UBE2E2: variants seen among roughly 807,000 people sequenced by gnomAD.
The protein encoded by UBE2E2 is ubiquitin-conjugating enzyme E2 E2.
In UBE2E2, 6 loss-of-function variants were observed where a neutral mutation model predicts 24.7. The ratio of observed to expected loss-of-function variants is 0.24; its 90% confidence interval spans 0.13 to 0.48. The LOEUF (loss-of-function observed/expected upper bound fraction) is 0.48. Among genes scored for constraint, UBE2E2 ranks in the 20% least tolerant of loss-of-function variants. UBE2E2 has a pLI of 0.99. For synonymous variants in UBE2E2, 104 were observed against 83.6 expected (o/e 1.24, Z -1.33); for missense variants, 169 against 245.0 (o/e 0.69, Z 2.07).
intron 3 of UBE2E2, among the ~76,000 whole-genome samples, chr3:23,258,825 G>A (rs942311104): frequency 6.0e-5 from 9 of 149,814 alleles, no homozygotes; most frequent in Admixed American, 1.3e-4. Flanking sequence ...CCCGGGAGGC[G>A]GAGCTTGCAT....
chr3:23,393,564 C>G (rs996637902), intron 3 of UBE2E2, among the ~76,000 whole-genome samples: 1 of 152,114 alleles, frequency 6.6e-6, no homozygotes, highest in Non-Finnish European at 1.5e-5. Flanking sequence ...TTTGAATGCA[C>G]AGTAAAGTTT....
intron 3 of UBE2E2, among the ~76,000 whole-genome samples, chr3:23,427,876 C>T (rs534451359): frequency 3.3e-5 from 5 of 152,254 alleles, no homozygotes; most frequent in African/African-American, 9.6e-5. Context: ...CGTAGCAATC[C>T]TTAATGTGTA....
chr3:23,460,178 C>G (rs1698777286), intron 3 of UBE2E2, among the ~76,000 whole-genome samples: 2 of 152,134 alleles, frequency 1.3e-5, no homozygotes, highest in South Asian at 2.1e-4. Context: ...AGCTGCCCTC[C>G]CAGAGGTCCT....
intron 3 of UBE2E2, among the ~76,000 whole-genome samples, chr3:23,323,822 G>A (rs1033690892): frequency 6.6e-6 from 1 of 151,984 alleles, no homozygotes; most frequent in Non-Finnish European, 1.5e-5. Context: ...TTATTCCCCT[G>A]TGCTTTCTCA....
intron 4 of UBE2E2, among the ~76,000 whole-genome samples, chr3:23,526,412 CAAT>C (rs1695000146): frequency 6.6e-6 from 1 of 152,094 alleles, no homozygotes; most frequent in African/African-American, 2.4e-5. Context: ...ACCTAAAAAA[CAAT>C]AAGAGGTTAT....
At chr3:23,374,657 T>A (rs1696476894) in intron 3 of UBE2E2, among the ~76,000 whole-genome samples, 1 of 152,168 alleles carries the variant, frequency 6.6e-6, no homozygotes, top group Non-Finnish European at 1.5e-5. Flanking sequence ...TTAAAAATCA[T>A]TATCTTCCTA....
intron 3 of UBE2E2, among the ~76,000 whole-genome samples, chr3:23,279,071 G>A (rs947699401): frequency 6.6e-6 from 1 of 151,900 alleles, no homozygotes; most frequent in African/African-American, 2.4e-5. Context: ...TAAAAAGTTG[G>A]GTAGAATAAT....
chr3:23,382,392 G>A (rs1038867615), intron 3 of UBE2E2, among the ~76,000 whole-genome samples: 1 of 151,902 alleles, frequency 6.6e-6, no homozygotes. Flanking sequence ...ATGTTGGCCA[G>A]GCTGGTCTTG....
intron 3 of UBE2E2, among the ~76,000 whole-genome samples, chr3:23,353,804 A>C (rs554923260): frequency 1.4e-5 from 2 of 142,972 alleles, no homozygotes; most frequent in Non-Finnish European, 3.1e-5. Context: ...GAAAATGGCC[A>C]TACTGTCCAA....
chr3:23,395,318 A>G (rs920200279), intron 3 of UBE2E2, among the ~76,000 whole-genome samples: 1 of 152,212 alleles, frequency 6.6e-6, no homozygotes, highest in Non-Finnish European at 1.5e-5. Context: ...TCAGCACCTA[A>G]AAATCCCCTG....
chr3:23,429,038 T>C (rs1220627458), intron 3 of UBE2E2, among the ~76,000 whole-genome samples: 1 of 151,320 alleles, frequency 6.6e-6, no homozygotes, highest in African/African-American at 2.4e-5. Flanking sequence ...ATGTCCTAGA[T>C]GAAATGAACC....
chr3:23,403,220 A>G (rs184229932), intron 3 of UBE2E2, among the ~76,000 whole-genome samples: 57 of 152,362 alleles, frequency 3.7e-4, no homozygotes, highest in Non-Finnish European at 7.1e-4. Flanking sequence ...TAAGCATTCA[A>G]ACACCACCCC....
intron 3 of UBE2E2, among the ~76,000 whole-genome samples, chr3:23,429,560 C>G (rs1698006017): frequency 6.6e-6 from 1 of 152,114 alleles, no homozygotes; most frequent in African/African-American, 2.4e-5. Context: ...AGAAAGGGCA[C>G]TTGACAAAAT....
intron 3 of UBE2E2, among the ~76,000 whole-genome samples, chr3:23,298,404 G>A (rs1307985576): frequency 6.6e-6 from 1 of 152,136 alleles, no homozygotes; most frequent in African/African-American, 2.4e-5. Flanking sequence ...TGCCCATTCA[G>A]TATGATATTG....
At chr3:23,445,511 G>C (rs1051730180) in intron 3 of UBE2E2, among the ~76,000 whole-genome samples, 3 of 152,118 alleles carry the variant, frequency 2.0e-5, no homozygotes, top group Non-Finnish European at 2.9e-5. Flanking sequence ...ATACTGCTCC[G>C]GTTGTTCTCA....
intron 3 of UBE2E2, among the ~76,000 whole-genome samples, chr3:23,386,195 C>G (rs2125356138): frequency 6.6e-6 from 1 of 152,232 alleles, no homozygotes; most frequent in African/African-American, 2.4e-5. Context: ...AAATTTCTTT[C>G]TCATTTTTCT....
intron 3 of UBE2E2, among the ~76,000 whole-genome samples, chr3:23,438,910 G>A (rs560454564): frequency 1.3e-5 from 2 of 152,148 alleles, no homozygotes; most frequent in Non-Finnish European, 2.9e-5. Context: ...TTAGTATTCT[G>A]ATAAGGTTTG....
At chr3:23,478,687 T>C (rs1486824323) in intron 3 of UBE2E2, among the ~76,000 whole-genome samples, 1 of 152,162 alleles carries the variant, frequency 6.6e-6, no homozygotes, top group Non-Finnish European at 1.5e-5. Context: ...TTCAAATCTG[T>C]TCTCATTTGA....
intron 3 of UBE2E2, among the ~76,000 whole-genome samples, chr3:23,258,836 T>C (rs1203745977): frequency 2.1e-5 from 3 of 140,616 alleles, no homozygotes; most frequent in African/African-American, 2.7e-5. Context: ...GAGCTTGCAT[T>C]GAGCTGAGAT....
Sources: gnomAD v4.1 joint callset for allele counts (sites outside exome capture counted in the v4.1 genomes callset) on GRCh38, gnomAD v4.1.1 for gene constraint, MANE v1.5 for transcripts, NCBI Gene and HGNC (gene_info 2026-07-23, HGNC 2026-07-21) for gene names.